The following SLC40A1 variants were observed in gnomAD, a reference collection of about 807,000 sequenced individuals.
SLC40A1 encodes ferroportin.
Under a neutral mutation model 53.5 loss-of-function variants are expected in SLC40A1, and 16 were observed. That is an observed-to-expected ratio of 0.30 (90% CI 0.20 to 0.45). The LOEUF (loss-of-function observed/expected upper bound fraction) is 0.45, where lower values mean the gene tolerates loss of function less well. SLC40A1 is among the 20% of genes least tolerant of loss of function. SLC40A1 has a pLI of 1.00. For synonymous variants in SLC40A1, 247 were observed against 253.2 expected, an observed-to-expected ratio of 0.98 and a Z score of 0.23; for missense variants, 545 against 695.4, an observed-to-expected ratio of 0.78 and a Z score of 2.43.
intron 2 of SLC40A1, among the ~76,000 whole-genome samples, chr2:189,577,471 G>C (rs2031323048): frequency 6.6e-6 from 1 of 152,152 alleles, no homozygotes; most frequent in Non-Finnish European, 1.5e-5. Context: ...GGTTTAAATG[G>C]AGAGAGTTTG....
In SLC40A1 at chr2:189,563,738, C is replaced by T. The variant is rs1473604871; in HGVS notation, c.1248G>A (p.Glu416=). ...EDIRSRFIQG[E]SITPTKIPEI... is the part of the protein sequence containing the mutation. ...CAGGTATCTTGGTAGGTGTAATTGA[C>T]TCTCCTTGAATGAACCTTGATCGGA... The change falls in exon 7 of 8, where the codon GAG becomes GAA. Residue 416 remains glutamate, a synonymous_variant. Coordinates refer to ENST00000261024, the MANE Select transcript of SLC40A1 (RefSeq NM_014585.6). The T allele has an allele frequency of 3.7e-6, 6 of 1,614,032 alleles. No individual in the cohort carries two copies. In the East Asian group the frequency reaches 1.3e-4, roughly 36 times the overall value.
Position 189,563,578 on chromosome 2 carries a change from T to G in SLC40A1, c.1402+6A>C. 1 of 1,612,586 alleles carries G rather than the reference T, an allele frequency of 6.2e-7. No individual in the cohort carries two copies. Among genetic ancestry groups the G allele is most frequent in the Non-Finnish European group, 8.5e-7 (1 of 1,179,360 alleles). On this transcript the variant is annotated splice_donor_region_variant and intron_variant, in intron 7 of 7. Transcript: ENST00000261024. ...GTTCATTAATATATAAAAAGAGATT[T>G]CTTACCGATTCTAGCAGCAATGACG... is the stretch of plus-strand genomic sequence containing the variant.
chr2:189,572,352 C>T (rs1241571739), intron 4 of SLC40A1, among the ~76,000 whole-genome samples: 1 of 152,142 alleles, frequency 6.6e-6, no homozygotes, highest in Non-Finnish European at 1.5e-5. Context: ...TCCACATATA[C>T]ACAAGAAGAT....
intron 5 of SLC40A1, among the ~76,000 whole-genome samples, chr2:189,566,449 A>G (rs1183080826): frequency 6.6e-6 from 1 of 152,226 alleles, no homozygotes; most frequent in Non-Finnish European, 1.5e-5. Context: ...TCTTTTGGAT[A>G]TGTTTTGACA....
chr2:189,564,348 A>G (rs1471023325), intron 6 of SLC40A1, 123 bp from the exon 7 acceptor site: 1 of 733,896 alleles, frequency 1.4e-6, no homozygotes, highest in African/African-American at 1.8e-5. Flanking sequence ...AGACATTGTA[A>G]TATGTATTTT....
intron 3 of SLC40A1, among the ~76,000 whole-genome samples, chr2:189,573,231 T>C (rs896343357): frequency 3.3e-5 from 5 of 152,344 alleles, no homozygotes; most frequent in Middle Eastern, 3.4e-3. Context: ...TACATTTTCA[T>C]TTAGTTTATC....
At chr2:189,570,013 T>C (rs759696906) in intron 5 of SLC40A1, among the ~76,000 whole-genome samples, 23 of 147,912 alleles carry the variant, frequency 1.6e-4, no homozygotes, top group Non-Finnish European at 2.4e-4. Context: ...TATATATATA[T>C]ACACACCTAT....
chr2:189,565,404 G>A lies in SLC40A1; in HGVS notation c.710C>T (p.Ala237Val), dbSNP rs775891910. 8.1e-6 allele frequency: 13 copies of A among 1,614,108 alleles called. No homozygotes were observed. Among genetic ancestry groups the A allele is most frequent in the Middle Eastern group, 1.6e-4 (1 of 6,084 alleles). The stretch of plus-strand genomic sequence containing the variant: ...TTCAGTTTCCTCTTCTTTAAGACCA[G>A]CTTTCACAGCTAGAGCTGGGGTTTT... ...YQKTPALAVK[A>V]GLKEEETELK... The change falls in exon 6 of 8, where the codon GCT becomes GTT. Residue 237 changes from alanine (A) to valine (V), a missense_variant. Physicochemically the swap from Ala to Val is moderately conservative, Grantham distance 64 (BLOSUM62 0). Coordinates refer to ENST00000261024, the MANE Select transcript of SLC40A1 (RefSeq NM_014585.6).
At chr2:189,564,327 T>C (rs2030858310) in intron 6 of SLC40A1, 102 bp from the exon 7 acceptor site, 2 of 922,100 alleles carry the variant, frequency 2.2e-6, no homozygotes, top group East Asian at 2.5e-5. Context: ...TCCCAATGGG[T>C]ACCCTTGGTT....
chr2:189,576,734 CAT>C (rs1574246500), intron 2 of SLC40A1, among the ~76,000 whole-genome samples: 1 of 152,202 alleles, frequency 6.6e-6, no homozygotes, highest in Non-Finnish European at 1.5e-5. Flanking sequence ...AAAACACACA[CAT>C]GTCCCAAATG....
rs573739252 is a variant in SLC40A1 at position 189,561,685 on chromosome 2, C to T, written c.*193G>A. 7.0e-6 allele frequency: 4 copies of T among 573,110 alleles called. No individual in the cohort carries two copies. The highest frequency in any genetic ancestry group is 4.4e-5 in the South Asian group (2 of 45,924). The allele number at this position is 573,110 out of a possible 1,614,324, so 35.5% of individuals were successfully genotyped here. A position where few individuals can be genotyped will look rare whatever the true frequency, so the allele number is the denominator to read the frequency against. The stretch of plus-strand genomic sequence containing the variant: ...AGTTTTTCTTTTCCAATTTTTTTTC[C>T]ATGCCTCAACATAAGGGAAATTAAT... On this transcript the variant is annotated 3_prime_UTR_variant, in exon 8 of 8. Coordinates refer to ENST00000261024, the MANE Select transcript of SLC40A1 (RefSeq NM_014585.6).
chr2:189,577,535 A>G (rs908965906), intron 2 of SLC40A1, among the ~76,000 whole-genome samples: 2 of 151,890 alleles, frequency 1.3e-5, no homozygotes, highest in Admixed American at 1.3e-4. Context: ...ACTGTCTTAC[A>G]CTGTCATCTT....
rs1282822314 is a variant in SLC40A1 at position 189,580,573 on chromosome 2, A to C, written c.-113T>G. On this transcript the variant is annotated 5_prime_UTR_variant, in exon 1 of 8. Transcript: ENST00000261024. The stretch of plus-strand genomic sequence containing the variant: ...CTGGAGATAGCACCTCTAAAAACAC[A>C]ACAGCCTTGGGCAAAAAGACTACAA... 1 of 1,593,308 alleles carries C rather than the reference A, an allele frequency of 6.3e-7. No individual in the cohort carries two copies. Among genetic ancestry groups the C allele is most frequent in the South Asian group, 1.1e-5 (1 of 90,054 alleles).
chr2:189,571,780 G>C lies in SLC40A1; in HGVS notation c.449C>G (p.Thr150Ser). The change falls in exon 5 of 8, where the codon ACT becomes AGT. Residue 150 changes from threonine to serine, a missense_variant. Physicochemically the swap from Thr to Ser is moderately conservative, Grantham distance 58. Coordinates refer to ENST00000261024, the MANE Select transcript of SLC40A1 (RefSeq NM_014585.6). ...ANIANLASTA[T>S]AITIQRDWIV... ...CCAATCCCTTTGGATTGTGATTGCA[G>C]TAGCAGTACTGGCCAAATTTGCAAT... 1 of 1,613,474 alleles carries C rather than the reference G, an allele frequency of 6.2e-7. No individual in the cohort carries two copies. Among genetic ancestry groups the C allele is most frequent in the Non-Finnish European group, 8.5e-7 (1 of 1,179,532 alleles).
chr2:189,562,250 C>T (rs2105618800), intron 7 of SLC40A1, 59 bp from the exon 8 acceptor site: 1 of 1,351,410 alleles, frequency 7.4e-7, no homozygotes, highest in Middle Eastern at 2.6e-4. Context: ...CATTTCAAAT[C>T]ACAGATAAAA....
intron 2 of SLC40A1, among the ~76,000 whole-genome samples, chr2:189,576,558 T>C (rs1460553279): frequency 6.6e-6 from 1 of 152,154 alleles, no homozygotes; most frequent in Non-Finnish European, 1.5e-5. Flanking sequence ...CATTTGGCAA[T>C]GCCTGGAGTA....
chr2:189,566,024 ATG>A (rs149895089), intron 5 of SLC40A1, among the ~76,000 whole-genome samples: 15 of 151,222 alleles, frequency 9.9e-5, no homozygotes, highest in East Asian at 9.7e-4. Flanking sequence ...CAACAAGCAT[ATG>A]TGTGTGTGTG....
intron 5 of SLC40A1, among the ~76,000 whole-genome samples, chr2:189,567,178 C>A (rs2030963634): frequency 6.6e-6 from 1 of 152,126 alleles, no homozygotes; most frequent in Admixed American, 6.5e-5. Context: ...AGGTGCCAAC[C>A]ACATGGATTG....
intron 6 of SLC40A1, among the ~76,000 whole-genome samples, 199 bp downstream of exon 6, chr2:189,565,154 AC>A (rs1323115348): frequency 6.6e-6 from 1 of 151,892 alleles, no homozygotes; most frequent in African/African-American, 2.4e-5. Flanking sequence ...ACCCATTCTA[AC>A]CCCACCAGAT....
Sources: gnomAD v4.1 joint callset for allele counts (sites outside exome capture counted in the v4.1 genomes callset) on GRCh38, gnomAD v4.1.1 for gene constraint, MANE v1.5 for transcripts, NCBI Gene and HGNC (gene_info 2026-07-23, HGNC 2026-07-21) for gene names.